Variants in OCA2 observed in about 807,000 individuals in gnomAD.
OCA2 encodes P protein.
A neutral mutation model predicts 100.2 loss-of-function variants in OCA2; 77 were observed. That is an observed-to-expected ratio of 0.77 (90% CI 0.64 to 0.93). OCA2 has a LOEUF of 0.93. OCA2 is among the 40% of genes least tolerant of loss of function. The pLI, the probability that OCA2 is intolerant of heterozygous loss-of-function variation, is 0.00. For synonymous variants in OCA2, 432 were observed against 439.2 expected (o/e 0.98, Z 0.21); for missense variants, 1,062 against 1,089.1 (o/e 0.98, Z 0.35).
chr15:27,887,685 T>TAATACAGGA (rs1346269342), intron 19 of OCA2, among the ~76,000 whole-genome samples: 1 of 147,722 alleles, frequency 6.8e-6, no homozygotes, highest in Non-Finnish European at 1.5e-5. Context: ...GAAAATGGAC[T>TAATACAGGA]AATACAGGAG....
chr15:27,804,346 A>G (rs1005409996), intron 23 of OCA2, among the ~76,000 whole-genome samples: 1 of 152,190 alleles, frequency 6.6e-6, no homozygotes, highest in Non-Finnish European at 1.5e-5. Context: ...CCTAAGCAAC[A>G]TTTACACACA....
intron 2 of OCA2, among the ~76,000 whole-genome samples, chr15:28,070,753 G>A (rs1201141045): frequency 6.7e-6 from 1 of 149,210 alleles, no homozygotes; most frequent in African/African-American, 2.5e-5. Flanking sequence ...TTGAGAAATC[G>A]GATGGTTGCC....
rs2042678020 is a variant in OCA2 at position 28,024,178 on chromosome 15, GT to G, written c.573+666del. ...GGCTCCTGTGCCTTTCCCTTGATGG[GT>G]CCATCTGCTAGGACCCCTCCAATGA... On this transcript the variant is annotated intron_variant, in intron 5 of 23. Coordinates refer to ENST00000354638, the MANE Select transcript of OCA2 (RefSeq NM_000275.3). Among the ~76,000 whole-genome samples, 3 of 152,118 alleles carry G rather than the reference GT, an allele frequency of 2.0e-5. No individual in the cohort carries two copies. The East Asian group carries it at 5.8e-4, about 29-fold the overall frequency.
At chr15:27,753,180 G>T (rs2030132214), downstream of OCA2, among the ~76,000 whole-genome samples, 2 of 152,074 alleles carry the variant, frequency 1.3e-5, no homozygotes, top group Admixed American at 1.3e-4. Context: ...TGAACGAGAG[G>T]TTCCAGCAGG....
At chr15:27,724,801 T>A in the OCA2 span, among the ~76,000 whole-genome samples, 4 of 144,972 alleles carry the variant, frequency 2.8e-5, no homozygotes, top group African/African-American at 1.0e-4. Context: ...AAAGCACAAT[T>A]CTGTGAGAGA....
At chr15:27,990,969 C>T (rs774162821) in intron 9 of OCA2, among the ~76,000 whole-genome samples, 26 of 152,240 alleles carry the variant, frequency 1.7e-4, no homozygotes, top group Non-Finnish European at 3.1e-4. Flanking sequence ...GCTCCCTTGG[C>T]AACTGGCCCA....
chr15:27,862,553 C>G (rs920615048), intron 21 of OCA2, among the ~76,000 whole-genome samples: 1 of 151,160 alleles, frequency 6.6e-6, no homozygotes, highest in Non-Finnish European at 1.5e-5. Context: ...CGGCTCACTG[C>G]AACCTCCGCC....
chr15:28,090,599 T>C (rs914625320), intron 1 of OCA2, among the ~76,000 whole-genome samples: 5 of 152,098 alleles, frequency 3.3e-5, no homozygotes, highest in Non-Finnish European at 7.4e-5. Context: ...AATCCAGGAT[T>C]CAAAAAGAAA....
At chr15:27,935,029 G>T (rs2039402900) in intron 18 of OCA2, among the ~76,000 whole-genome samples, 1 of 152,148 alleles carries the variant, frequency 6.6e-6, no homozygotes, top group South Asian at 2.1e-4. Context: ...GCTCCAGGCT[G>T]CTCTGCTCAG....
At chr15:27,744,280 T>C in the OCA2 span, among the ~76,000 whole-genome samples, 5 of 152,104 alleles carry the variant, frequency 3.3e-5, no homozygotes, top group African/African-American at 7.2e-5. Flanking sequence ...TTCATTAAAA[T>C]CATGCGGGAA....
chr15:27,772,790 G>A (rs562668890), intron 23 of OCA2, among the ~76,000 whole-genome samples: 10 of 148,000 alleles, frequency 6.8e-5, no homozygotes, highest in African/African-American at 2.5e-4. Flanking sequence ...GCAGTGAGCT[G>A]AGATCTCGCC....
chr15:28,006,353 G>C (rs1476011437), intron 9 of OCA2, among the ~76,000 whole-genome samples: 6 of 152,210 alleles, frequency 3.9e-5, no homozygotes, highest in Admixed American at 3.9e-4. Flanking sequence ...ATGCGAAAGA[G>C]AGCCATCCAG....
chr15:27,735,562 T>C, the OCA2 span, among the ~76,000 whole-genome samples: 1 of 151,990 alleles, frequency 6.6e-6, no homozygotes, highest in Admixed American at 6.6e-5. Flanking sequence ...CAGGACATAT[T>C]ATAATCAAAC....
At chr15:27,815,499 C>T (rs945607549) in intron 23 of OCA2, among the ~76,000 whole-genome samples, 3 of 152,192 alleles carry the variant, frequency 2.0e-5, no homozygotes, top group African/African-American at 7.2e-5. Flanking sequence ...ATTCATACCT[C>T]CTGGGGCAAG....
chr15:27,834,670 G>A (rs1318238646), intron 23 of OCA2, among the ~76,000 whole-genome samples: 2 of 152,210 alleles, frequency 1.3e-5, no homozygotes, highest in Non-Finnish European at 2.9e-5. Context: ...TGAATTGTGG[G>A]ATACCTACTT....
intron 23 of OCA2, among the ~76,000 whole-genome samples, chr15:27,829,947 G>T (rs2034887550): frequency 6.6e-6 from 1 of 152,140 alleles, no homozygotes; most frequent in Non-Finnish European, 1.5e-5. Context: ...CATAAGCAAA[G>T]AATACTATAA....
chr15:27,955,411 A>C (rs1027157831), intron 16 of OCA2, among the ~76,000 whole-genome samples, 196 bp from the exon 17 acceptor site: 4 of 152,182 alleles, frequency 2.6e-5, no homozygotes, highest in African/African-American at 9.7e-5. Flanking sequence ...TCCCAAAAAA[A>C]TACATATAAT....
intron 23 of OCA2, among the ~76,000 whole-genome samples, chr15:27,794,683 G>A (rs1472932426): frequency 6.6e-6 from 1 of 152,148 alleles, no homozygotes. Context: ...GCATGAAATA[G>A]ACATCCTCAC....
At chr15:27,745,269 G>A in the OCA2 span, among the ~76,000 whole-genome samples, 4 of 152,086 alleles carry the variant, frequency 2.6e-5, no homozygotes, top group Non-Finnish European at 5.9e-5. Flanking sequence ...ATGTATATAG[G>A]ATAAAAAAAG....
Sources: gnomAD v4.1 joint callset for allele counts (sites outside exome capture counted in the v4.1 genomes callset) on GRCh38, gnomAD v4.1.1 for gene constraint, MANE v1.5 for transcripts, NCBI Gene and HGNC (gene_info 2026-07-23, HGNC 2026-07-21) for gene names.